CCDC73: variants seen among roughly 807,000 people sequenced by gnomAD.
CCDC73 encodes coiled-coil domain-containing protein 73.
CCDC73 carries 95 observed loss-of-function variants against 116.5 expected under a neutral mutation model. The ratio of observed to expected loss-of-function variants is 0.82; its 90% CI spans 0.69 to 0.97. The LOEUF (loss-of-function observed/expected upper bound fraction) is 0.97, where lower values mean the gene tolerates loss of function less well. Ranked by LOEUF, CCDC73 falls within the 50% of genes least tolerant of loss-of-function variation. The pLI is 0.00. For missense variants in CCDC73, 1,066 were observed against 1,206.8 expected (o/e 0.88, Z 1.73); for synonymous variants, 398 against 401.3 (o/e 0.99, Z 0.10).
intron 1 of CCDC73, among the ~76,000 whole-genome samples, chr11:32,787,735 A>T (rs1174492910): frequency 6.6e-6 from 1 of 152,196 alleles, no homozygotes; most frequent in Non-Finnish European, 1.5e-5. Context: ...GTGAAAAATT[A>T]TACCCATTAA....
intron 6 of CCDC73, among the ~76,000 whole-genome samples, chr11:32,684,618 T>TAAAA (rs1856177142): frequency 2.0e-5 from 3 of 152,332 alleles, no homozygotes; most frequent in African/African-American, 7.2e-5. Context: ...TGCTTGTATC[T>TAAAA]AGACTTTTAA....
intron 2 of CCDC73, among the ~76,000 whole-genome samples, chr11:32,732,439 G>A (rs904417542): frequency 5.9e-5 from 9 of 152,200 alleles, no homozygotes; most frequent in African/African-American, 1.9e-4. Flanking sequence ...TACTCCTCAT[G>A]AAGAGCAACT....
chr11:32,750,888 C>T (rs1219007629), intron 2 of CCDC73, among the ~76,000 whole-genome samples: 6 of 152,116 alleles, frequency 3.9e-5, no homozygotes, highest in East Asian at 1.9e-4. Flanking sequence ...GGGGTCTCTC[C>T]TCATAGCCAC....
intron 4 of CCDC73, among the ~76,000 whole-genome samples, chr11:32,701,935 C>T (rs543390888): frequency 1.8e-4 from 28 of 152,300 alleles, no homozygotes; most frequent in African/African-American, 6.3e-4. Context: ...TTCTCCTCTA[C>T]CCTTCAGATA....
intron 14 of CCDC73, among the ~76,000 whole-genome samples, chr11:32,626,134 T>C (rs1855571351): frequency 6.6e-6 from 1 of 151,990 alleles, no homozygotes; most frequent in African/African-American, 2.4e-5. Flanking sequence ...CAGCAAAGTC[T>C]CAGGATACAA....
intron 1 of CCDC73, among the ~76,000 whole-genome samples, chr11:32,777,791 A>T (rs145648070): frequency 6.6e-6 from 1 of 152,278 alleles, no homozygotes; most frequent in African/African-American, 2.4e-5. Flanking sequence ...TGATTTAAGA[A>T]GTTTGCTACA....
At chr11:32,723,703 T>G (rs1850009178) in intron 2 of CCDC73, among the ~76,000 whole-genome samples, 1 of 152,144 alleles carries the variant, frequency 6.6e-6, no homozygotes, top group African/African-American at 2.4e-5. Context: ...AAATAAACCA[T>G]CAAATTACTC....
intron 7 of CCDC73, chr11:32,680,202 C>T (rs1452706404): frequency 1.3e-5 from 2 of 151,984 alleles, no homozygotes; most frequent in Non-Finnish European, 2.9e-5. Context: ...TGAAAAGCAA[C>T]AACAAAAAGT....
chr11:32,829,729 C>T, the CCDC73 span: 1 of 977,252 alleles, frequency 1.0e-6, no homozygotes, highest in African/African-American at 1.8e-5. Flanking sequence ...AGCAGCCACC[C>T]GCGCCGCCAA....
chr11:32,790,093 A>G (rs2133406257), intron 1 of CCDC73, among the ~76,000 whole-genome samples: 1 of 152,038 alleles, frequency 6.6e-6, no homozygotes, highest in South Asian at 2.1e-4. Flanking sequence ...ATTGAAGTCT[A>G]ACAGGTAAGG....
At chr11:32,812,902 T>C in the CCDC73 span, among the ~76,000 whole-genome samples, 26 of 152,236 alleles carry the variant, frequency 1.7e-4, no homozygotes, top group African/African-American at 6.3e-4. Context: ...CACTTATGAA[T>C]GTAGGCAACA....
intron 9 of CCDC73, among the ~76,000 whole-genome samples, chr11:32,668,426 TA>T (rs1278263896): frequency 6.6e-6 from 1 of 151,986 alleles, no homozygotes; most frequent in Non-Finnish European, 1.5e-5. Flanking sequence ...CAAATTATAA[TA>T]AATGTAAGTA....
intron 2 of CCDC73, 78 bp downstream of exon 2, chr11:32,760,029 CTT>C: frequency 8.3e-7 from 1 of 1,203,656 alleles, no homozygotes; most frequent in Non-Finnish European, 1.2e-6. Context: ...ATTTTTTAGG[CTT>C]TTTATTCTTT....
Position 32,653,180 on chromosome 11 carries a change from T to C in CCDC73, c.882A>G (p.Gln294=), listed in dbSNP as rs1855841815. Residue 294 remains glutamine (Q), a synonymous_variant, in exon 12 of 18, where the codon CAA becomes CAG. Coordinates refer to ENST00000335185, the MANE Select transcript of CCDC73 (RefSeq NM_001008391.4). ...CCTCCATTTCAGTATTAGCTTGAATTTGTTGCCGAAGTAACTGCTGCATAT... is the reference window on the plus strand; with the variant it reads ...CCTCCATTTCAGTATTAGCTTGAATCTGTTGCCGAAGTAACTGCTGCATAT... The part of the protein sequence containing the change: ...FQHMQQLLRQ[Q]IQANTEMEAE... 1.9e-6 allele frequency: 3 copies of C among 1,612,308 alleles called. No homozygotes were observed. The highest frequency in any genetic ancestry group is 2.5e-6 in the Non-Finnish European group (3 of 1,179,262).
At chr11:32,801,756 T>C in the CCDC73 span, among the ~76,000 whole-genome samples, 4 of 152,216 alleles carry the variant, frequency 2.6e-5, no homozygotes, top group African/African-American at 9.7e-5. Flanking sequence ...GGTTCTATTT[T>C]TGCAGATGTC....
intron 2 of CCDC73, among the ~76,000 whole-genome samples, chr11:32,738,359 A>G (rs1850154349): frequency 6.6e-6 from 1 of 152,096 alleles, no homozygotes; most frequent in Non-Finnish European, 1.5e-5. Flanking sequence ...ATCCTCAACA[A>G]CATTTGTTAT....
intron 17 of CCDC73, 110 bp downstream of exon 17, chr11:32,611,022 T>C: frequency 9.9e-7 from 1 of 1,006,030 alleles, no homozygotes; most frequent in Non-Finnish European, 1.4e-6. Context: ...CCTCTTGATA[T>C]TATTTTGGAG....
intron 13 of CCDC73, among the ~76,000 whole-genome samples, chr11:32,637,546 C>A (rs1855693101): frequency 1.3e-5 from 2 of 151,748 alleles, no homozygotes; most frequent in Admixed American, 1.3e-4. Context: ...TGCTAGTACT[C>A]TCTCTTTATC....
At chr11:32,678,000 C>T (rs531249039) in intron 7 of CCDC73, among the ~76,000 whole-genome samples, 15 of 147,556 alleles carry the variant, frequency 1.0e-4, no homozygotes, top group Non-Finnish European at 1.8e-4. Flanking sequence ...AAGTACAGGC[C>T]GAGCACAGTG....
Sources: gnomAD v4.1 joint callset for allele counts (sites outside exome capture counted in the v4.1 genomes callset) on GRCh38, gnomAD v4.1.1 for gene constraint, MANE v1.5 for transcripts, NCBI Gene and HGNC (gene_info 2026-07-23, HGNC 2026-07-21) for gene names.